DPY19L3: variants seen among roughly 807,000 people sequenced by gnomAD.
The protein encoded by DPY19L3 is dpy-19 like C-mannosyltransferase 3, also known as protein C-mannosyl-transferase DPY19L3.
Under a neutral mutation model 92.3 loss-of-function variants are expected in DPY19L3, and 51 were observed. The observed-to-expected ratio is 0.55, with a 90% confidence interval of 0.44 to 0.70. The LOEUF is 0.70. Ranked by LOEUF, DPY19L3 falls within the 30% of genes least tolerant of loss-of-function variation. The probability of loss-of-function intolerance (pLI) is 0.00; values close to 1 mark genes in which losing one functional copy is unlikely to be tolerated. For synonymous variants in DPY19L3, 309 were observed against 315.2 expected (o/e 0.98, Z 0.21); for missense variants, 706 against 855.9 (o/e 0.82, Z 2.18).
intron 16 of DPY19L3, among the ~76,000 whole-genome samples, chr19:32,476,537 A>G (rs1970516431): frequency 6.6e-6 from 1 of 151,630 alleles, no homozygotes; most frequent in Non-Finnish European, 1.5e-5. Flanking sequence ...CCAAAAAAAA[A>G]AAAAAAAAAA....
intron 2 of DPY19L3, among the ~76,000 whole-genome samples, chr19:32,409,947 C>A (rs1184164264): frequency 3.3e-5 from 5 of 152,196 alleles, no homozygotes; most frequent in Non-Finnish European, 5.9e-5. Context: ...CAGCAGGGTA[C>A]ATGCCTAGAT....
chr19:32,425,993 T>C (rs1295610245), intron 3 of DPY19L3, among the ~76,000 whole-genome samples: 1 of 152,248 alleles, frequency 6.6e-6, no homozygotes, highest in Non-Finnish European at 1.5e-5. Flanking sequence ...CTTCTTCCAA[T>C]AGAAGGCTGT....
intron 8 of DPY19L3, among the ~76,000 whole-genome samples, chr19:32,451,365 C>T (rs1040334150): frequency 1.3e-5 from 2 of 152,066 alleles, no homozygotes; most frequent in Non-Finnish European, 2.9e-5. Context: ...CTATTGATTG[C>T]TATTTCTTTT....
rs55721066 is a variant in DPY19L3, at chr19:32,430,352, A to G, written c.238-2364A>G. On this transcript the variant is annotated intron_variant, in intron 3 of 18. Transcript: ENST00000392250. ...GAGCCGTGATCATGCCACCGTACTC[A>G]GCCTGGGTGACAGAGTGAGACCCTG... 4.8e-3 allele frequency among the ~76,000 whole-genome samples: 733 copies of G among 152,282 alleles called. 3 individuals carry two copies. The highest frequency in any genetic ancestry group is 7.2e-3 in the Non-Finnish European group (493 of 68,016).
rs1969823176 is a variant in DPY19L3 at position 32,455,045 on chromosome 19, G to GTTA, written c.1089+6_1089+8dup. 1.4e-6 allele frequency: 2 copies of GTTA among 1,476,388 alleles called. No homozygotes were observed. The highest frequency in any genetic ancestry group is 2.9e-5 in the African/African-American group (2 of 68,990). The allele number at this position is 1,476,388 out of a possible 1,614,324, so 91.5% of individuals were successfully genotyped here. A position where few individuals can be genotyped will look rare whatever the true frequency, so the allele number is the denominator to read the frequency against. On this transcript the variant is annotated splice_donor_region_variant and intron_variant, in intron 10 of 18. Coordinates refer to ENST00000392250, the MANE Select transcript of DPY19L3 (RefSeq NM_001172774.2). Reference sequence around the variant, plus strand: ...TTTCTCAACAACATAATTAAGGTAAGTTAATAAAAATGACATGTTTAATGT... The same window carrying GTTA: ...TTTCTCAACAACATAATTAAGGTAAGTTATTAATAAAAATGACATGTTTAATGT...
intron 17 of DPY19L3, among the ~76,000 whole-genome samples, chr19:32,477,955 A>G (rs906921418): frequency 1.3e-5 from 2 of 152,318 alleles, no homozygotes; most frequent in African/African-American, 4.8e-5. Flanking sequence ...GAGCTTGTGC[A>G]GGGAAACTCC....
At chr19:32,438,435 A>G (rs1010692230) in intron 6 of DPY19L3, among the ~76,000 whole-genome samples, 3 of 152,162 alleles carry the variant, frequency 2.0e-5, no homozygotes, top group African/African-American at 7.2e-5. Context: ...ACATCTATAT[A>G]TATTTCTTTT....
At chr19:32,406,750 C>T (rs534315911) in intron 1 of DPY19L3, among the ~76,000 whole-genome samples, 4 of 152,250 alleles carry the variant, frequency 2.6e-5, no homozygotes, top group Admixed American at 6.5e-5. Flanking sequence ...TTTCTTAGTT[C>T]ATGGGACTGT....
chr19:32,442,810 C>T (rs563887516), intron 8 of DPY19L3, among the ~76,000 whole-genome samples: 6 of 152,234 alleles, frequency 3.9e-5, no homozygotes, highest in Admixed American at 3.3e-4. Context: ...CTCCCACCTC[C>T]ATCAGTAAAG....
At chr19:32,473,589 T>C (rs1970417275) in intron 16 of DPY19L3, among the ~76,000 whole-genome samples, 1 of 152,218 alleles carries the variant, frequency 6.6e-6, no homozygotes, top group Admixed American at 6.5e-5. Context: ...AGTTTAGAAA[T>C]GTGTGATTGT....
chr19:32,454,928 T>C lies in DPY19L3; in HGVS notation c.988-11T>C, dbSNP rs886435954. ...ACTTAAGAATTAAAACATAACTCTTTTAATTTCTAGAAAAATCTGAAAACT... is the reference window on the plus strand; with the variant it reads ...ACTTAAGAATTAAAACATAACTCTTCTAATTTCTAGAAAAATCTGAAAACT... On this transcript the variant is annotated splice_polypyrimidine_tract_variant and intron_variant, in intron 9 of 18. Transcript: ENST00000392250. 3 of 1,498,156 alleles carry C rather than the reference T, an allele frequency of 2.0e-6. No individual in the cohort carries two copies. The highest frequency in any genetic ancestry group is 2.9e-5 in the African/African-American group (2 of 70,022). The allele number at this position is 1,498,156 out of a possible 1,614,324, so 92.8% of individuals were successfully genotyped here.
At position 32,437,333 on chromosome 19, in the gene DPY19L3, C is replaced by T. The variant is rs780124727; in HGVS notation, c.590C>T (p.Thr197Ile). The change falls in exon 6 of 19, where the codon ACA becomes ATA. Residue 197 changes from threonine to isoleucine, a missense_variant. Thr to Ile is a moderately conservative substitution (Grantham distance 89, BLOSUM62 -1). Coordinates refer to ENST00000392250, the MANE Select transcript of DPY19L3 (RefSeq NM_001172774.2). The stretch of plus-strand genomic sequence containing the variant: ...CTGTTGGCAGCTTTCTGGTATGTCA[C>T]AAATAGGTGAGTTGGAGTCAGTATG... The part of the protein sequence containing the change: ...SGLLAAFWYV[T>I]NRIDTTRVEF... The T allele has an allele frequency of 6.2e-7, 1 of 1,613,278 alleles. No homozygotes were observed. The highest frequency in any genetic ancestry group is 8.5e-7 in the Non-Finnish European group (1 of 1,179,582).
At chr19:32,445,366 G>A (rs796563773) in intron 8 of DPY19L3, among the ~76,000 whole-genome samples, 12 of 148,382 alleles carry the variant, frequency 8.1e-5, no homozygotes, top group African/African-American at 2.7e-4. Flanking sequence ...GCGTGAACCT[G>A]GGAGGCGGAG....
rs1967917876 is a variant in DPY19L3 at position 32,405,821 on chromosome 19, T to G, written c.-126T>G. 6.6e-6 allele frequency: 1 copy of G among 152,048 alleles called. No homozygotes were observed. The highest frequency in any genetic ancestry group is 2.4e-5 in the African/African-American group (1 of 41,368). The allele number at this position is 152,048 out of a possible 1,614,324, so 9.4% of individuals were successfully genotyped here. The stretch of plus-strand genomic sequence containing the variant: ...TGCCCTCCTTGTACCCGCGGCGCGC[T>G]GCGGCCCGTGGCGCGGCCCCGTTCC... On this transcript the variant is annotated 5_prime_UTR_variant, in exon 1 of 19. Transcript: ENST00000392250.
At position 32,437,265 on chromosome 19, in the gene DPY19L3, C is replaced by A; in HGVS notation, c.522C>A (p.Leu174=). The change falls in exon 6 of 19, where the codon CTC becomes CTA. Residue 174 remains leucine, a synonymous_variant. Coordinates refer to ENST00000392250, the MANE Select transcript of DPY19L3 (RefSeq NM_001172774.2). The part of the protein sequence containing the change: ...FGLQAIYVTA[L]YITSWLLSGT... ...TCCAGGCGATCTATGTCACAGCTCTCTACATAACCAGCTGGCTACTCAGTG... is the reference window on the plus strand; with the variant it reads ...TCCAGGCGATCTATGTCACAGCTCTATACATAACCAGCTGGCTACTCAGTG... 1 of 1,614,166 alleles carries A rather than the reference C, an allele frequency of 6.2e-7. No individual in the cohort carries two copies. The highest frequency in any genetic ancestry group is 1.3e-5 in the African/African-American group (1 of 75,042).
intron 3 of DPY19L3, among the ~76,000 whole-genome samples, chr19:32,421,048 T>G (rs193262252): frequency 1.3e-5 from 2 of 152,330 alleles, no homozygotes; most frequent in East Asian, 3.9e-4. Flanking sequence ...TTCACAAAAC[T>G]TTTATAATTA....
Position 32,480,480 on chromosome 19 carries a change from G to C in DPY19L3, c.1912G>C (p.Glu638Gln). The C allele has an allele frequency of 6.2e-7, 1 of 1,614,206 alleles. No homozygotes were observed. Among genetic ancestry groups the C allele is most frequent in the Middle Eastern group, 1.7e-4 (1 of 6,060 alleles). Residue 638 changes from glutamate (E) to glutamine (Q), a missense_variant, in exon 18 of 19, where the codon GAA (glutamate) becomes CAA (glutamine). By Grantham distance (29) the Glu-to-Gln change is conservative. Coordinates refer to ENST00000392250, the MANE Select transcript of DPY19L3 (RefSeq NM_001172774.2). ...RSFGTDYVIL[E>Q]DSICYERRHR... is the part of the protein sequence containing the mutation. ...CTTCGGCACTGACTACGTAATCCTG[G>C]AAGACAGCATCTGCTACGAGCGGAG...
intron 3 of DPY19L3, among the ~76,000 whole-genome samples, chr19:32,415,438 C>T (rs1271585966): frequency 6.6e-6 from 1 of 152,168 alleles, no homozygotes. Flanking sequence ...GTAGTTCAGC[C>T]TGGCTAGAGA....
At chr19:32,464,347 A>G (rs1357680003) in intron 14 of DPY19L3, among the ~76,000 whole-genome samples, 3 of 152,308 alleles carry the variant, frequency 2.0e-5, no homozygotes, top group South Asian at 4.1e-4. Context: ...TCAGTAGCCT[A>G]TAAATGCAGT....
Sources: allele counts gnomAD v4.1 joint callset (sites outside exome capture counted in the v4.1 genomes callset), GRCh38; gene constraint gnomAD v4.1.1; transcripts MANE v1.5; gene names NCBI Gene and HGNC (gene_info 2026-07-23, HGNC 2026-07-21).